FCN2: variants seen among roughly 807,000 people sequenced by gnomAD.
FCN2 encodes ficolin-2.
Under a neutral mutation model 32.5 loss-of-function variants are expected in FCN2, and 31 were observed. The ratio of observed to expected loss-of-function variants is 0.96; its 90% CI spans 0.72 to 1.29. The LOEUF is 1.29. Among genes scored for constraint, FCN2 ranks in the 50% most tolerant of loss-of-function variants. The pLI, the probability that FCN2 is intolerant of heterozygous loss-of-function variation, is 0.00. For synonymous variants in FCN2, 181 were observed against 164.5 expected (o/e 1.10, Z -0.77); for missense variants, 412 against 406.5 (o/e 1.01, Z -0.12).
intron 1 of FCN2, 36 bp from the exon 2 acceptor site, chr9:134,882,490 A>G: frequency 6.5e-7 from 1 of 1,545,470 alleles, no homozygotes; most frequent in South Asian, 1.1e-5. Context: ...CTTCAGGCCC[A>G]GGTGACACTG....
chr9:134,866,935 A>G, the FCN2 span, among the ~76,000 whole-genome samples: 4 of 129,824 alleles, frequency 3.1e-5, no homozygotes, highest in African/African-American at 1.2e-4. Context: ...CAAAACCACA[A>G]TGAGATACCA....
chr9:134,865,199 G>A, the FCN2 span, among the ~76,000 whole-genome samples: 1 of 152,250 alleles, frequency 6.6e-6, no homozygotes, highest in Non-Finnish European at 1.5e-5. Context: ...CAGTGAGGTC[G>A]ATGTGGCACC....
At chr9:134,883,229 G>A (rs369954814) in intron 2 of FCN2, 73 bp from the exon 3 acceptor site, 40 of 1,262,384 alleles carry the variant, frequency 3.2e-5, no homozygotes, top group African/African-American at 8.8e-5. Context: ...AATGACAGCC[G>A]CCAGCTCCAG....
Position 134,886,523 on chromosome 9 carries a change from A to G in FCN2, c.653A>G (p.Lys218Arg), listed in dbSNP as rs183357628. ...TTCAAGGTGGCCGACGAGGCGGAGA[A>G]GTACAATCTGGTCCTGGGGGCCTTC... ...RSFKVADEAE[K>R]YNLVLGAFVE... The change falls in exon 7 of 8, where the codon AAG (lysine) becomes AGG (arginine). Residue 218 changes from lysine (K) to arginine (R), a missense_variant. Physicochemically the swap from Lys to Arg is conservative, Grantham distance 26 (BLOSUM62 2). Coordinates refer to ENST00000291744, the MANE Select transcript of FCN2 (RefSeq NM_004108.3). 1.9e-5 allele frequency: 30 copies of G among 1,614,086 alleles called. No homozygotes were observed. The African/African-American group carries it at 3.6e-4, about 19-fold the overall frequency.
chr9:134,881,932 G>A (rs79435897), intron 1 of FCN2, among the ~76,000 whole-genome samples: 1,552 of 152,204 alleles, frequency 0.01, 29 homozygotes, highest in African/African-American at 0.035. Context: ...CTCTAGTTTC[G>A]CACCAACTTG....
chr9:134,887,165 C>A lies in FCN2; in HGVS notation c.695-3C>A, dbSNP rs750421061. On this transcript the variant is annotated splice_region_variant and splice_polypyrimidine_tract_variant and intron_variant, in intron 7 of 7. Transcript: ENST00000291744. ...AACGATGCTCACATTTCCTCCTGCA[C>A]AGGAGATTCCCTGACGTTCCACAAC... 1.9e-6 allele frequency: 3 copies of A among 1,614,078 alleles called. No individual in the cohort carries two copies. The highest frequency in any genetic ancestry group is 2.5e-6 in the Non-Finnish European group (3 of 1,179,986).
At chr9:134,874,015 AT>A in the FCN2 span, among the ~76,000 whole-genome samples, 2 of 151,430 alleles carry the variant, frequency 1.3e-5, no homozygotes, top group Non-Finnish European at 2.9e-5. Context: ...GGTTCAAGTG[AT>A]GCTCATGCCT....
At chr9:134,867,104 T>C in the FCN2 span, among the ~76,000 whole-genome samples, 1 of 129,412 alleles carries the variant, frequency 7.7e-6, no homozygotes, top group Non-Finnish European at 1.6e-5. Flanking sequence ...GATCTAGAAC[T>C]AGAAATACCA....
chr9:134,887,039 G>T, intron 7 of FCN2, 129 bp from the exon 8 acceptor site: 1 of 1,072,812 alleles, frequency 9.3e-7, no homozygotes, highest in Non-Finnish European at 1.4e-6. Context: ...GCACTTCTTG[G>T]ATTGTGCAGT....
At chr9:134,865,446 T>C in the FCN2 span, among the ~76,000 whole-genome samples, 5 of 152,180 alleles carry the variant, frequency 3.3e-5, no homozygotes, top group Admixed American at 3.3e-4. Context: ...CGAGTGGGGC[T>C]AGGAAGAAAA....
At chr9:134,869,829 A>T in the FCN2 span, among the ~76,000 whole-genome samples, 6 of 152,278 alleles carry the variant, frequency 3.9e-5, no homozygotes, top group East Asian at 1.2e-3. Flanking sequence ...GATGCAGGTG[A>T]GGGCTACGTG....
chr9:134,867,676 AAAAG>A, the FCN2 span, among the ~76,000 whole-genome samples: 3 of 151,904 alleles, frequency 2.0e-5, no homozygotes, highest in African/African-American at 7.3e-5. Context: ...AAAAAAAAAA[AAAAG>A]AAGTAAACAA....
intron 4 of FCN2, 30 bp downstream of exon 4, chr9:134,884,802 G>A (rs1305569661): frequency 1.2e-5 from 19 of 1,610,428 alleles, no homozygotes; most frequent in South Asian, 4.4e-5. Context: ...CTCCTCCCAC[G>A]GCTTGTGGCT....
intron 5 of FCN2, among the ~76,000 whole-genome samples, 166 bp downstream of exon 5, chr9:134,885,532 C>T (rs906361997): frequency 2.0e-4 from 30 of 152,060 alleles, no homozygotes; most frequent in African/African-American, 7.0e-4. Context: ...TTGGGGGAGG[C>T]TGGGAGAGGT....
At chr9:134,868,599 C>T in the FCN2 span, 1 of 152,406 alleles carries the variant, frequency 6.6e-6, no homozygotes, top group Admixed American at 6.5e-5. This position sits in a 1 kb window ranked among gnomAD's most constrained non-coding sequence, Gnocchi z 4.3. Context: ...GGAGCTCCCA[C>T]CAGTCCCTTA....
chr9:134,875,208 T>C, the FCN2 span, among the ~76,000 whole-genome samples: 4 of 152,246 alleles, frequency 2.6e-5, no homozygotes, highest in East Asian at 7.7e-4. Context: ...CTAGGACCTC[T>C]AGTACCTTGC....
At chr9:134,883,207 G>A (rs1564206800) in intron 2 of FCN2, 95 bp from the exon 3 acceptor site, 3 of 1,045,734 alleles carry the variant, frequency 2.9e-6, no homozygotes, top group Admixed American at 3.4e-5. Context: ...CAGGGTCATG[G>A]TCATGATTGG....
chr9:134,885,639 TG>T, intron 5 of FCN2, 128 bp from the exon 6 acceptor site: 1 of 1,287,086 alleles, frequency 7.8e-7, no homozygotes, highest in Non-Finnish European at 1.1e-6. Flanking sequence ...GGAGAACAGG[TG>T]GGCGTGCTGG....
chr9:134,880,149 C>T (rs1285584544), upstream of FCN2, among the ~76,000 whole-genome samples: 2 of 152,148 alleles, frequency 1.3e-5, no homozygotes, highest in African/African-American at 4.8e-5. Context: ...CACTCAAGGT[C>T]TCCCCTTCAG....
Sources: allele counts gnomAD v4.1 joint callset (sites outside exome capture counted in the v4.1 genomes callset), GRCh38; gene constraint gnomAD v4.1.1; non-coding constraint Gnocchi (gnomAD v3.1); transcripts MANE v1.5; gene names NCBI Gene and HGNC (gene_info 2026-07-23, HGNC 2026-07-21).